RANBP17: variants seen among roughly 807,000 people sequenced by gnomAD.
RANBP17 encodes the protein ran-binding protein 17.
Under a neutral mutation model 141.2 loss-of-function variants are expected in RANBP17, and 158 were observed. The ratio of observed to expected loss-of-function variants is 1.12; its 90% CI spans 0.98 to 1.28. The LOEUF is 1.28. Among genes scored for constraint, RANBP17 ranks in the 50% most tolerant of loss-of-function variants. The probability of loss-of-function intolerance (pLI) is 0.00; values close to 1 mark genes in which losing one functional copy is unlikely to be tolerated. For missense variants in RANBP17, 1,438 were observed against 1,290.7 expected, an observed-to-expected ratio of 1.11 and a Z score of -1.75; for synonymous variants, 430 against 450.0, an observed-to-expected ratio of 0.96 and a Z score of 0.56.
chr5:171,207,397 ATACTG>A, intron 20 of RANBP17: 1 of 152,336 alleles, frequency 6.6e-6, no homozygotes, highest in South Asian at 2.1e-4. Flanking sequence ...TTTAGAGAAG[ATACTG>A]TATTGTTTTC....
Position 171,105,096 on chromosome 5 carries a change from T to G in RANBP17, c.1711-65034T>G, listed in dbSNP as rs1293805246. On this transcript the variant is annotated intron_variant, in intron 14 of 27. Coordinates refer to ENST00000523189, the MANE Select transcript of RANBP17 (RefSeq NM_022897.5). Reference sequence around the variant, plus strand: ...AAACAATTTTCTTTATTTAAAAAATTTTCCAGCCGGGCGCGGTGGCTCACG... The same window carrying G: ...AAACAATTTTCTTTATTTAAAAAATGTTCCAGCCGGGCGCGGTGGCTCACG... Among the ~76,000 whole-genome samples, 3 of 152,222 alleles carry G rather than the reference T, an allele frequency of 2.0e-5. No individual in the cohort carries two copies. In the South Asian group the frequency reaches 6.2e-4, roughly 32 times the overall value.
chr5:170,911,261 G>T, intron 7 of RANBP17, 127 bp downstream of exon 7: 1 of 740,472 alleles, frequency 1.4e-6, no homozygotes, highest in Non-Finnish European at 2.2e-6. Flanking sequence ...TTTGTAACCT[G>T]AAGTAGCTGC....
chr5:170,880,728 A>T (rs1350505174), intron 2 of RANBP17, among the ~76,000 whole-genome samples: 2 of 152,228 alleles, frequency 1.3e-5, no homozygotes, highest in Non-Finnish European at 2.9e-5. Context: ...TTTGCTATGT[A>T]ATCAATGAAA....
At chr5:171,043,182 ATTC>A (rs1782362572) in intron 14 of RANBP17, among the ~76,000 whole-genome samples, 1 of 152,220 alleles carries the variant, frequency 6.6e-6, no homozygotes, top group Non-Finnish European at 1.5e-5. Flanking sequence ...AAAATGAAGT[ATTC>A]TTCTTTAAGA....
chr5:171,222,416 C>A (rs115675239), intron 22 of RANBP17, among the ~76,000 whole-genome samples: 151 of 152,286 alleles, frequency 9.9e-4, no homozygotes, highest in African/African-American at 3.3e-3. Context: ...TCTCTACTCT[C>A]TGAGACCTTT....
chr5:171,127,265 A>T (rs1159271182), intron 14 of RANBP17, among the ~76,000 whole-genome samples: 1 of 152,254 alleles, frequency 6.6e-6, no homozygotes. Context: ...ATTTGATAAA[A>T]TTCAACATGC....
chr5:171,080,463 A>T (rs573321051), intron 14 of RANBP17, among the ~76,000 whole-genome samples: 58 of 152,074 alleles, frequency 3.8e-4, no homozygotes, highest in Non-Finnish European at 6.5e-4. Context: ...TCTTGTTTGG[A>T]TTTTACTTGG....
At chr5:171,030,843 A>C (rs1282602720) in intron 14 of RANBP17, among the ~76,000 whole-genome samples, 1 of 151,974 alleles carries the variant, frequency 6.6e-6, no homozygotes, top group Non-Finnish European at 1.5e-5. Context: ...AATTTTGTAG[A>C]AATTAGCAGA....
chr5:170,955,582 G>GTGTATATATA (rs1387663704), intron 13 of RANBP17, among the ~76,000 whole-genome samples: 1 of 41,676 alleles, frequency 2.4e-5, no homozygotes, highest in Non-Finnish European at 4.3e-5. Flanking sequence ...CAGTCTGTGT[G>GTGTATATATA]TATATATATA....
chr5:170,875,697 C>A (rs1169074063), intron 1 of RANBP17, among the ~76,000 whole-genome samples: 1 of 151,890 alleles, frequency 6.6e-6, no homozygotes, highest in Non-Finnish European at 1.5e-5. Context: ...TTCTAGTTAG[C>A]GCTCCTGTAG....
chr5:171,287,730 T>C (rs1266735194), intron 25 of RANBP17, among the ~76,000 whole-genome samples: 1 of 152,098 alleles, frequency 6.6e-6, no homozygotes, highest in African/African-American at 2.4e-5. Context: ...TTGTTGCTGT[T>C]GTTTTTTGTT....
chr5:171,219,439 CT>C (rs1482783261), intron 21 of RANBP17, among the ~76,000 whole-genome samples: 1 of 152,112 alleles, frequency 6.6e-6, no homozygotes, highest in Non-Finnish European at 1.5e-5. Context: ...GTTGGCCTGT[CT>C]TGCTAGGTTG....
chr5:170,959,695 T>A (rs941923864), intron 13 of RANBP17, among the ~76,000 whole-genome samples: 1 of 152,206 alleles, frequency 6.6e-6, no homozygotes, highest in Non-Finnish European at 1.5e-5. Context: ...ATATTTTGTA[T>A]GTTATATGTA....
At chr5:171,270,120 C>T (rs183858658) in intron 25 of RANBP17, among the ~76,000 whole-genome samples, 10 of 152,164 alleles carry the variant, frequency 6.6e-5, no homozygotes, top group African/African-American at 2.2e-4. Context: ...CCTTACAGGC[C>T]TTTCCATTTG....
At chr5:171,179,681 A>G (rs1314311187) in intron 16 of RANBP17, among the ~76,000 whole-genome samples, 1 of 152,130 alleles carries the variant, frequency 6.6e-6, no homozygotes, top group East Asian at 1.9e-4. Flanking sequence ...TCACGTCTTT[A>G]CACTTTTGTA....
chr5:171,041,780 G>GTGTA (rs1361430991), intron 14 of RANBP17, among the ~76,000 whole-genome samples: 2 of 152,058 alleles, frequency 1.3e-5, no homozygotes, highest in Admixed American at 1.3e-4. Flanking sequence ...TGTGCAAGAT[G>GTGTA]TACAGGTTTG....
At chr5:171,175,916 A>T (rs978165121) in intron 16 of RANBP17, among the ~76,000 whole-genome samples, 2 of 152,122 alleles carry the variant, frequency 1.3e-5, no homozygotes, top group African/African-American at 4.8e-5. Flanking sequence ...CCTCAAAAAG[A>T]AGAATGTGGA....
chr5:170,922,790 C>T (rs1772582723), intron 11 of RANBP17, among the ~76,000 whole-genome samples: 1 of 152,078 alleles, frequency 6.6e-6, no homozygotes, highest in Non-Finnish European at 1.5e-5. Context: ...GAGGCGACGC[C>T]CTGCCCTGCT....
At chr5:171,139,925 T>G (rs1295180009) in intron 14 of RANBP17, among the ~76,000 whole-genome samples, 1 of 152,194 alleles carries the variant, frequency 6.6e-6, no homozygotes, top group Non-Finnish European at 1.5e-5. Flanking sequence ...CCCCTTTAAC[T>G]TACATGTAAA....
Sources: allele counts gnomAD v4.1 joint callset (sites outside exome capture counted in the v4.1 genomes callset), GRCh38; gene constraint gnomAD v4.1.1; transcripts MANE v1.5; gene names NCBI Gene and HGNC (gene_info 2026-07-23, HGNC 2026-07-21).